NCK1: variants seen among roughly 807,000 people sequenced by gnomAD.
NCK1 encodes the protein SH2/SH3 adapter protein NCK1.
NCK1 carries 19 observed loss-of-function variants against 36.6 expected under a neutral mutation model. The observed-to-expected ratio is 0.52, with a 90% CI of 0.36 to 0.76. NCK1 has a LOEUF of 0.76. Among genes scored for constraint, NCK1 ranks in the 30% least tolerant of loss-of-function variants. The pLI, the probability that NCK1 is intolerant of heterozygous loss-of-function variation, is 0.00. For synonymous variants in NCK1, 165 were observed against 156.0 expected (o/e 1.06, Z -0.43); for missense variants, 358 against 445.6 (o/e 0.80, Z 1.77).
At chr3:136,885,664 G>A (rs1055273897) in intron 1 of NCK1, among the ~76,000 whole-genome samples, 2 of 152,150 alleles carry the variant, frequency 1.3e-5, no homozygotes, top group Non-Finnish European at 1.5e-5. Flanking sequence ...AATACTGATT[G>A]TATCAGTTTG....
intron 1 of NCK1, among the ~76,000 whole-genome samples, chr3:136,870,264 C>T (rs1393790623): frequency 1.3e-5 from 2 of 151,550 alleles, no homozygotes; most frequent in South Asian, 2.1e-4. Flanking sequence ...ATCATTTGAA[C>T]CCAGGAGCCA....
At chr3:136,887,123 T>A (rs1939094361) in intron 1 of NCK1, among the ~76,000 whole-genome samples, 2 of 152,276 alleles carry the variant, frequency 1.3e-5, no homozygotes, top group Non-Finnish European at 2.9e-5. Flanking sequence ...GGATTACAGG[T>A]GTGAGCCACT....
At chr3:136,905,266 C>A (rs1258574873) in intron 1 of NCK1, among the ~76,000 whole-genome samples, 1 of 152,132 alleles carries the variant, frequency 6.6e-6, no homozygotes, top group East Asian at 1.9e-4. Flanking sequence ...CAGTGATTTG[C>A]CTTCCTTGGC....
At chr3:136,914,130 A>G (rs1175843349) in intron 1 of NCK1, among the ~76,000 whole-genome samples, 4 of 152,148 alleles carry the variant, frequency 2.6e-5, no homozygotes, top group East Asian at 1.9e-4. Flanking sequence ...GCCTCTAGCT[A>G]TTGGGAGGGA....
In NCK1 at chr3:136,935,446, C is replaced by G. The variant is rs1940506479; in HGVS notation, c.226+7219C>G. Among the ~76,000 whole-genome samples the G allele has an allele frequency of 2.6e-5, 4 of 151,898 alleles. No individual in the cohort carries two copies. In the South Asian group the frequency reaches 8.3e-4, roughly 32 times the overall value. On this transcript the variant is annotated intron_variant, in intron 2 of 3. Coordinates refer to ENST00000481752, the MANE Select transcript of NCK1 (RefSeq NM_001291999.2). Reference sequence around the variant, plus strand: ...CAATTTGACATTTATTGAGAATCTGCTATGTGAAACAGCCACTGTTGGCTT... The same window carrying G: ...CAATTTGACATTTATTGAGAATCTGGTATGTGAAACAGCCACTGTTGGCTT...
intron 1 of NCK1, among the ~76,000 whole-genome samples, chr3:136,910,086 G>C (rs1169559294): frequency 6.6e-6 from 1 of 152,166 alleles, no homozygotes. Flanking sequence ...CTGATTAGGA[G>C]AGACTGCTGT....
intron 1 of NCK1, among the ~76,000 whole-genome samples, chr3:136,879,735 C>G (rs112274928): frequency 2.0e-5 from 3 of 151,944 alleles, no homozygotes; most frequent in Non-Finnish European, 4.4e-5. Context: ...CTGGAAGCCA[C>G]CATTCTCAGC....
intron 1 of NCK1, among the ~76,000 whole-genome samples, chr3:136,867,171 TCCTTC>T (rs1560028617): frequency 1.8e-5 from 1 of 55,938 alleles, no homozygotes; most frequent in Admixed American, 2.1e-4. Flanking sequence ...CTTCCTTCCT[TCCTTC>T]CTTCTTTCTT....
intron 3 of NCK1, among the ~76,000 whole-genome samples, chr3:136,947,553 A>G (rs1303320641): frequency 6.6e-6 from 1 of 152,152 alleles, no homozygotes; most frequent in Non-Finnish European, 1.5e-5. Flanking sequence ...TAGGATATTT[A>G]TTATAAAAAT....
chr3:136,904,763 TCTC>T lies in NCK1; in HGVS notation c.-18-23218_-18-23216del, dbSNP rs901566372. Among the ~76,000 whole-genome samples, 44 of 152,222 alleles carry T rather than the reference TCTC, an allele frequency of 2.9e-4. No individual in the cohort carries two copies. In the East Asian group the frequency reaches 5.8e-3, roughly 20 times the overall value. ...GTTTTCTAACATTTTTGTTTTCTCT[TCTC>T]CTGAGACACTGAAAATTTGAATATT... is the stretch of plus-strand genomic sequence containing the variant. On this transcript the variant is annotated intron_variant, in intron 1 of 3. Coordinates refer to ENST00000481752, the MANE Select transcript of NCK1 (RefSeq NM_001291999.2).
At chr3:136,879,134 A>C (rs961200926) in intron 1 of NCK1, among the ~76,000 whole-genome samples, 20 of 151,066 alleles carry the variant, frequency 1.3e-4, no homozygotes, top group South Asian at 4.2e-4. Flanking sequence ...AGAACAACAA[A>C]AAAAAAGGCT....
chr3:136,880,366 G>A (rs1938896487), intron 1 of NCK1, among the ~76,000 whole-genome samples: 1 of 152,020 alleles, frequency 6.6e-6, no homozygotes, highest in South Asian at 2.1e-4. Context: ...TATTAGGGTG[G>A]ACCCTAATCC....
intron 1 of NCK1, among the ~76,000 whole-genome samples, chr3:136,903,540 T>G (rs1005107711): frequency 7.9e-5 from 12 of 152,192 alleles, no homozygotes; most frequent in African/African-American, 2.9e-4. Context: ...TTCTCCTGCC[T>G]CAGCTTCCTG....
chr3:136,915,002 G>T (rs1203702472), intron 1 of NCK1, among the ~76,000 whole-genome samples: 3 of 152,128 alleles, frequency 2.0e-5, no homozygotes, highest in African/African-American at 7.2e-5. Context: ...GTACATGCTG[G>T]CTTCTCTTTG....
intron 1 of NCK1, among the ~76,000 whole-genome samples, chr3:136,867,937 G>A (rs1367572006): frequency 6.7e-6 from 1 of 149,928 alleles, no homozygotes; most frequent in African/African-American, 2.5e-5. Flanking sequence ...TTTTTTTTGA[G>A]ACAGAGTTTC....
At chr3:136,913,158 A>G (rs2108113528) in intron 1 of NCK1, among the ~76,000 whole-genome samples, 1 of 151,546 alleles carries the variant, frequency 6.6e-6, no homozygotes, top group South Asian at 2.1e-4. Flanking sequence ...TATAGGCCAT[A>G]CTTTCCCATT....
At chr3:136,885,242 A>C (rs1180841186) in intron 1 of NCK1, among the ~76,000 whole-genome samples, 2 of 152,194 alleles carry the variant, frequency 1.3e-5, no homozygotes, top group Non-Finnish European at 2.9e-5. Context: ...TTTTAGCTAC[A>C]TGATGGGTTT....
At chr3:136,942,192 GT>G (rs1560055081) in intron 2 of NCK1, among the ~76,000 whole-genome samples, 1 of 152,124 alleles carries the variant, frequency 6.6e-6, no homozygotes. Context: ...TTTAGTTTTT[GT>G]TTATCTGGGA....
intron 1 of NCK1, among the ~76,000 whole-genome samples, chr3:136,867,173 CTTCCTTCTTTCT>C (rs1377286001): frequency 1.4e-4 from 5 of 35,466 alleles, no homozygotes; most frequent in African/African-American, 3.8e-4. Flanking sequence ...TCCTTCCTTC[CTTCCTTCTTTCT>C]TTCTTTTCTT....
Sources: allele counts gnomAD v4.1 joint callset (sites outside exome capture counted in the v4.1 genomes callset), GRCh38; gene constraint gnomAD v4.1.1; transcripts MANE v1.5; gene names NCBI Gene and HGNC (gene_info 2026-07-23, HGNC 2026-07-21).